Variants in WNT3 observed in about 807,000 individuals in gnomAD.
The protein encoded by WNT3 is Wnt family member 3.
A neutral mutation model predicts 34.2 loss-of-function variants in WNT3; 7 were observed. The ratio of observed to expected loss-of-function variants is 0.20; its 90% CI spans 0.12 to 0.38. WNT3 has a LOEUF of 0.38. WNT3 is among the 10% of genes least tolerant of loss of function. The pLI, the probability that WNT3 is intolerant of heterozygous loss-of-function variation, is 1.00. For synonymous variants in WNT3, 212 were observed against 211.5 expected (o/e 1.00, Z -0.02); for missense variants, 267 against 499.8 (o/e 0.53, Z 4.44).
At chr17:46,808,983 C>T (rs753848582) in intron 1 of WNT3, among the ~76,000 whole-genome samples, 7 of 152,126 alleles carry the variant, frequency 4.6e-5, no homozygotes, top group Non-Finnish European at 1.0e-4. Context: ...CCGAGCTGAG[C>T]AGCGCAGAGC....
intron 2 of WNT3, among the ~76,000 whole-genome samples, chr17:46,770,311 T>C (rs2059352297): frequency 6.6e-6 from 1 of 152,226 alleles, no homozygotes. Context: ...GGCAAAGCAG[T>C]GCCTGTTAGA....
intron 1 of WNT3, among the ~76,000 whole-genome samples, chr17:46,790,744 C>T (rs1208593861): frequency 6.6e-6 from 1 of 152,222 alleles, no homozygotes; most frequent in Non-Finnish European, 1.5e-5. Flanking sequence ...CAAAACTTCC[C>T]TGATCCAGCA....
intron 1 of WNT3, 43 bp from the exon 2 acceptor site, chr17:46,773,952 C>T: frequency 4.4e-6 from 7 of 1,598,648 alleles, no homozygotes; most frequent in Non-Finnish European, 6.0e-6. Flanking sequence ...GCACAAAGCA[C>T]AGAGCCCATC....
At chr17:46,811,786 T>C (rs1355857084) in intron 1 of WNT3, among the ~76,000 whole-genome samples, 5 of 151,924 alleles carry the variant, frequency 3.3e-5, no homozygotes, top group Non-Finnish European at 7.4e-5. Context: ...GAAACCCCCA[T>C]CTCTACTAAA....
intron 1 of WNT3, among the ~76,000 whole-genome samples, chr17:46,794,752 C>CT (rs5820620): frequency 0.02 from 2,610 of 129,254 alleles, 73 homozygotes; most frequent in African/African-American, 0.057. Context: ...CTTTCTTTTT[C>CT]TTTTTTTTTT....
At chr17:46,792,243 G>A (rs1176847325) in intron 1 of WNT3, among the ~76,000 whole-genome samples, 2 of 152,180 alleles carry the variant, frequency 1.3e-5, no homozygotes, top group Non-Finnish European at 2.9e-5. Context: ...GTGGGAGGAG[G>A]TGTCCTCCAG....
Position 46,796,321 on chromosome 17 carries a change from C to A in WNT3, c.80+22197G>T, listed in dbSNP as rs192334787. ...CCATTGTCATAGTGCTAATAAAGAC[C>A]AGTGACATCCTCTATGCCAGGCACT... On this transcript the variant is annotated intron_variant, in intron 1 of 4. Coordinates refer to ENST00000225512, the MANE Select transcript of WNT3 (RefSeq NM_030753.5). Among the ~76,000 whole-genome samples the A allele has an allele frequency of 4.6e-5, 7 of 152,294 alleles. No homozygotes were observed. In the East Asian group the frequency reaches 1.3e-3, roughly 29 times the overall value.
At chr17:46,809,554 C>G (rs996319922) in intron 1 of WNT3, among the ~76,000 whole-genome samples, 14 of 152,210 alleles carry the variant, frequency 9.2e-5, no homozygotes, top group African/African-American at 3.4e-4. Flanking sequence ...TCCTAGTTTG[C>G]TAGGCCTTAC....
Position 46,818,503 on chromosome 17 carries a change from A to T in WNT3, c.80+15T>A. ...GGAGAAACCGGGCCGCGGGCAGACA[A>T]GAGGCGAGTCTTACCACCAAATTGG... On this transcript the variant is annotated intron_variant, in intron 1 of 4. Coordinates refer to ENST00000225512, the MANE Select transcript of WNT3 (RefSeq NM_030753.5). 4 of 1,599,946 alleles carry T rather than the reference A, an allele frequency of 2.5e-6. No individual in the cohort carries two copies. Among genetic ancestry groups the T allele is most frequent in the Non-Finnish European group, 3.4e-6 (4 of 1,174,654 alleles).
rs749737942 is a variant in WNT3 at position 46,773,681 on chromosome 17, G to T, written c.309C>A (p.Pro103=). 45 of 1,600,612 alleles carry T rather than the reference G, an allele frequency of 2.8e-5. No homozygotes were observed. In the Admixed American group the frequency reaches 3.3e-4, roughly 12 times the overall value. The change falls in exon 2 of 5, where the codon CCC becomes CCA. Residue 103 remains proline, a synonymous_variant. Coordinates refer to ENST00000225512, the MANE Select transcript of WNT3 (RefSeq NM_030753.5). ...TIDDSLAIFG[P]VLDKATRESA... is the part of the protein sequence containing the mutation. ...CCAAGGCAGTACCTTTGTCGAGGAC[G>T]GGCCCAAAGATGGCCAGGCTGTCAT...
chr17:46,768,665 G>A lies in WNT3; in HGVS notation c.723C>T (p.Ala241=), dbSNP rs776309006. ...GGTGCTTCTCTACTACCATCTCCGA[G>A]GCGCTGTCATACTTGTCCTTGAGGA... is the stretch of plus-strand genomic sequence containing the variant. ...GDFLKDKYDS[A]SEMVVEKHRE... is the part of the protein sequence containing the mutation. The change falls in exon 4 of 5, where the codon GCC becomes GCT. Residue 241 remains alanine, a synonymous_variant. Coordinates refer to ENST00000225512, the MANE Select transcript of WNT3 (RefSeq NM_030753.5). This position sits in a 1 kb window ranked among gnomAD's most constrained non-coding sequence, Gnocchi z 5.0. 1 of 1,614,148 alleles carries A rather than the reference G, an allele frequency of 6.2e-7. No homozygotes were observed. The highest frequency in any genetic ancestry group is 2.2e-5 in the East Asian group (1 of 44,874).
chr17:46,774,362 G>A (rs115283005), intron 1 of WNT3, among the ~76,000 whole-genome samples: 2,971 of 152,054 alleles, frequency 0.02, 91 homozygotes, highest in African/African-American at 0.067. Flanking sequence ...GCGCGCGCGC[G>A]CACACACACA....
intron 1 of WNT3, among the ~76,000 whole-genome samples, chr17:46,784,806 C>G (rs1376143518): frequency 2.0e-5 from 3 of 149,344 alleles, no homozygotes; most frequent in African/African-American, 4.9e-5. Flanking sequence ...GATGGAGTCT[C>G]GCTCTGTCGC....
rs2084386081 is a variant in WNT3, at chr17:46,818,662, G to A, written c.-65C>T. The A allele has an allele frequency of 1.5e-5, 22 of 1,427,134 alleles. No homozygotes were observed. The allele number at this position is 1,427,134 out of a possible 1,614,324, so 88.4% of individuals were successfully genotyped here. A position where few individuals can be genotyped will look rare whatever the true frequency, so the allele number is the denominator to read the frequency against. On this transcript the variant is annotated 5_prime_UTR_variant, in exon 1 of 5. Coordinates refer to ENST00000225512, the MANE Select transcript of WNT3 (RefSeq NM_030753.5). ...AAGAGGGGGAGCGACGCCCCCAATA[G>A]TTGGAACAAAGTCCACTTGAGATTG...
Position 46,768,816 on chromosome 17 carries a change from G to A in WNT3, c.589-17C>T, listed in dbSNP as rs963131489. ...CAGGATAGTCTGGGGGAGAGAAGTG[G>A]CAGCTGGCCAACAGACCGACCCCAC... On this transcript the variant is annotated splice_polypyrimidine_tract_variant and intron_variant, in intron 3 of 4. Coordinates refer to ENST00000225512, the MANE Select transcript of WNT3 (RefSeq NM_030753.5). The surrounding 1 kb of genome is among the most constrained non-coding windows in gnomAD (Gnocchi z 5.0). 1 of 1,610,860 alleles carries A rather than the reference G, an allele frequency of 6.2e-7. No homozygotes were observed. Among genetic ancestry groups the A allele is most frequent in the Non-Finnish European group, 8.5e-7 (1 of 1,178,906 alleles).
intron 1 of WNT3, among the ~76,000 whole-genome samples, chr17:46,797,528 A>G (rs1439777256): frequency 1.3e-5 from 2 of 152,206 alleles, no homozygotes; most frequent in Non-Finnish European, 2.9e-5. Flanking sequence ...GGGCCATGGG[A>G]AAAACAATCT....
At chr17:46,790,143 C>T (rs1434465970) in intron 1 of WNT3, among the ~76,000 whole-genome samples, 2 of 152,180 alleles carry the variant, frequency 1.3e-5, no homozygotes, top group East Asian at 3.9e-4. Flanking sequence ...ACCTCCTTCC[C>T]CCAACTTCAT....
Position 46,816,119 on chromosome 17 carries a change from A to ACACACACACGCACGCACG in WNT3, c.80+2398_80+2399insCGTGCGTGCGTGTGTGTG, listed in dbSNP as rs151269919. ...AAGGCATGCGCGCGCACGTACACAC[A>ACACACACACGCACGCACG]CACACACACACTCACACACACGCAC... On this transcript the variant is annotated intron_variant, in intron 1 of 4. Transcript: ENST00000225512. Among the ~76,000 whole-genome samples, 84 of 150,664 alleles carry ACACACACACGCACGCACG rather than the reference A, an allele frequency of 5.6e-4. 2 individuals are homozygous for ACACACACACGCACGCACG. The highest frequency in any genetic ancestry group is 3.5e-3 in the Admixed American group (53 of 15,170).
intron 1 of WNT3, among the ~76,000 whole-genome samples, chr17:46,816,133 A>ACACACACACT (rs2084341897): frequency 2.7e-5 from 1 of 37,582 alleles, no homozygotes; most frequent in African/African-American, 8.4e-5. Flanking sequence ...ACACACACTC[A>ACACACACACT]CACACACGCA....
Sources: allele counts gnomAD v4.1 joint callset (sites outside exome capture counted in the v4.1 genomes callset), GRCh38; gene constraint gnomAD v4.1.1; non-coding constraint Gnocchi (gnomAD v3.1); transcripts MANE v1.5; gene names NCBI Gene and HGNC (gene_info 2026-07-23, HGNC 2026-07-21).